DNAAF4: variants seen among roughly 807,000 people sequenced by gnomAD.
The protein encoded by DNAAF4 is dynein axonemal assembly factor 4, also known as dynein assembly factor 4, axonemal.
A neutral mutation model predicts 51.8 loss-of-function variants in DNAAF4; 43 were observed. The observed-to-expected ratio is 0.83, with a 90% CI of 0.65 to 1.07. DNAAF4 has a LOEUF of 1.07. Ranked by LOEUF, DNAAF4 falls within the 50% of genes least tolerant of loss-of-function variation. The probability of loss-of-function intolerance (pLI) is 0.00; values close to 1 mark genes in which losing one functional copy is unlikely to be tolerated. For missense variants in DNAAF4, 581 were observed against 493.0 expected (o/e 1.18, Z -1.69); for synonymous variants, 194 against 165.6 (o/e 1.17, Z -1.32).
chr15:55,450,102 C>T lies in DNAAF4; in HGVS notation c.783+120G>A, dbSNP rs560596527. ...AGGAAATTCTAAAACATATTCATGA[C>T]GTTATTTCTTTAGTGTAATAAATAC... is the stretch of plus-strand genomic sequence containing the variant. On this transcript the variant is annotated intron_variant, in intron 6 of 9. Transcript: ENST00000321149. 1.4e-3 allele frequency: 1,594 copies of T among 1,129,998 alleles called. 3 individuals carry two copies. The highest frequency in any genetic ancestry group is 1.7e-3 in the Non-Finnish European group (1,408 of 830,702). The allele number at this position is 1,129,998 out of a possible 1,614,324, so 70.0% of individuals were successfully genotyped here.
At chr15:55,423,611 T>C (rs1356344992) in intron 7 of DNAAF4, among the ~76,000 whole-genome samples, 1 of 152,150 alleles carries the variant, frequency 6.6e-6, no homozygotes, top group Non-Finnish European at 1.5e-5. Context: ...GATGTAAATA[T>C]AGCTGAAGAT....
chr15:55,432,610 A>T lies in DNAAF4; in HGVS notation c.1048-8T>A. ...CATCAATAATTCCAGTGCCTTACAA[A>T]ATATATATAATTATTACAAGAAAGT... On this transcript the variant is annotated splice_region_variant and splice_polypyrimidine_tract_variant and intron_variant, in intron 8 of 9. Coordinates refer to ENST00000321149, the MANE Select transcript of DNAAF4 (RefSeq NM_130810.4). The T allele has an allele frequency of 1.3e-6, 2 of 1,592,598 alleles. No homozygotes were observed. The highest frequency in any genetic ancestry group is 1.7e-6 in the Non-Finnish European group (2 of 1,166,384).
At chr15:55,489,593 T>C (rs2058541296) in intron 4 of DNAAF4, among the ~76,000 whole-genome samples, 2 of 149,322 alleles carry the variant, frequency 1.3e-5, no homozygotes, top group African/African-American at 4.9e-5. Context: ...GAGAATCTCT[T>C]GAACCCGAGT....
chr15:55,499,334 C>A (rs571461373), intron 1 of DNAAF4, among the ~76,000 whole-genome samples: 1 of 152,332 alleles, frequency 6.6e-6, no homozygotes, highest in African/African-American at 2.4e-5. Flanking sequence ...CCAATCAGGG[C>A]TCAGCTGTAT....
At chr15:55,444,697 T>C (rs1230054062) in intron 6 of DNAAF4, among the ~76,000 whole-genome samples, 1 of 152,250 alleles carries the variant, frequency 6.6e-6, no homozygotes, top group East Asian at 1.9e-4. Flanking sequence ...GTTCTTCCAT[T>C]TGTTTGTGTC....
At position 55,498,536 on chromosome 15, in the gene DNAAF4, G is replaced by T. The variant is rs867776515; in HGVS notation, c.-207C>A. Reference sequence around the variant, plus strand: ...ACCAGAGAGTGATGCCGATTCTTGGGGTTACCTTACGATCTGAGCGAATGT... The same window carrying T: ...ACCAGAGAGTGATGCCGATTCTTGGTGTTACCTTACGATCTGAGCGAATGT... On this transcript the variant is annotated 5_prime_UTR_variant, in exon 2 of 10. Transcript: ENST00000321149. 7.8e-6 allele frequency: 4 copies of T among 513,300 alleles called. No homozygotes were observed. The highest frequency in any genetic ancestry group is 6.7e-5 in the African/African-American group (3 of 44,838). The allele number at this position is 513,300 out of a possible 1,614,324, so 31.8% of individuals were successfully genotyped here.
intron 4 of DNAAF4, among the ~76,000 whole-genome samples, chr15:55,481,952 T>C (rs1346910742): frequency 6.6e-6 from 1 of 152,208 alleles, no homozygotes; most frequent in African/African-American, 2.4e-5. Context: ...GTGCAACCAA[T>C]GGGAAGCCTC....
intron 5 of DNAAF4, among the ~76,000 whole-genome samples, chr15:55,455,495 G>A (rs537121667): frequency 6.0e-5 from 9 of 151,254 alleles, no homozygotes; most frequent in South Asian, 2.1e-4. Flanking sequence ...GCAGTGGCGC[G>A]ATCTTGGCTC....
intron 6 of DNAAF4, among the ~76,000 whole-genome samples, chr15:55,445,609 C>T (rs369852617): frequency 1.3e-5 from 2 of 151,974 alleles, no homozygotes; most frequent in Non-Finnish European, 1.5e-5. Flanking sequence ...AGGCGCTCCT[C>T]GCCTCCCAGA....
chr15:55,479,238 C>T (rs2058376010), intron 4 of DNAAF4, among the ~76,000 whole-genome samples: 1 of 151,766 alleles, frequency 6.6e-6, no homozygotes, highest in African/African-American at 2.4e-5. Context: ...ACTCAGAGTA[C>T]TTCCCAAGTG....
At chr15:55,479,270 G>A (rs976802110) in intron 4 of DNAAF4, among the ~76,000 whole-genome samples, 2 of 151,862 alleles carry the variant, frequency 1.3e-5, no homozygotes, top group Admixed American at 6.6e-5. Flanking sequence ...CAGGGACCCC[G>A]AATGGAGGGA....
intron 4 of DNAAF4, among the ~76,000 whole-genome samples, chr15:55,476,890 G>T (rs1279654907): frequency 6.6e-6 from 1 of 152,136 alleles, no homozygotes; most frequent in Non-Finnish European, 1.5e-5. Flanking sequence ...GTTCTGGAGG[G>T]CCAGGCATGG....
chr15:55,431,033 C>T (rs1486445816), intron 9 of DNAAF4, among the ~76,000 whole-genome samples: 3 of 151,646 alleles, frequency 2.0e-5, no homozygotes, highest in African/African-American at 7.3e-5. Flanking sequence ...TCTGCCTCAG[C>T]CTCCTGAGTA....
In DNAAF4 at chr15:55,498,430, G is replaced by C. The variant is rs1253158461; in HGVS notation, c.-101C>G. 2.0e-6 allele frequency: 3 copies of C among 1,489,440 alleles called. No individual in the cohort carries two copies. Among genetic ancestry groups the C allele is most frequent in the Non-Finnish European group, 2.7e-6 (3 of 1,122,598 alleles). 92.3% of individuals were successfully genotyped at this position (1,489,440 alleles called of 1,614,324 possible). A position where few individuals can be genotyped will look rare whatever the true frequency, so the allele number is the denominator to read the frequency against. The stretch of plus-strand genomic sequence containing the variant: ...CCATGCGCCAGCCCTTCCGGGTCAG[G>C]CCGGCCGGGAGCCCGGCGTTCCCAG... On this transcript the variant is annotated 5_prime_UTR_variant, in exon 2 of 10. Coordinates refer to ENST00000321149, the MANE Select transcript of DNAAF4 (RefSeq NM_130810.4).
chr15:55,466,706 A>G (rs543560757), intron 5 of DNAAF4, among the ~76,000 whole-genome samples: 3 of 152,270 alleles, frequency 2.0e-5, no homozygotes, highest in South Asian at 2.1e-4. Flanking sequence ...CAAAGAAGAC[A>G]CTCTTCTTTT....
intron 3 of DNAAF4, among the ~76,000 whole-genome samples, chr15:55,492,649 C>T (rs1001215740): frequency 3.3e-5 from 5 of 151,942 alleles, no homozygotes; most frequent in Admixed American, 2.0e-4. Flanking sequence ...AAGCAATTCT[C>T]CTGCCTCAGC....
intron 8 of DNAAF4, among the ~76,000 whole-genome samples, chr15:55,433,928 T>TAAAA (rs2057553592): frequency 0.054 from 323 of 5,986 alleles, 9 homozygotes; most frequent in East Asian, 0.15. Context: ...ATATATTATA[T>TAAAA]TATATAAAAT....
chr15:55,461,656 C>T (rs1169964043), intron 5 of DNAAF4, among the ~76,000 whole-genome samples: 2 of 152,074 alleles, frequency 1.3e-5, no homozygotes, highest in African/African-American at 2.4e-5. Flanking sequence ...GAGGAAAGTT[C>T]ATAGCACTAA....
chr15:55,470,705 A>G (rs1377710562), intron 4 of DNAAF4, among the ~76,000 whole-genome samples: 1 of 103,468 alleles, frequency 9.7e-6, no homozygotes, highest in East Asian at 7.1e-4. Context: ...AAGCCTGACT[A>G]ATTTTTTATG....
Sources: allele counts gnomAD v4.1 joint callset (sites outside exome capture counted in the v4.1 genomes callset), GRCh38; gene constraint gnomAD v4.1.1; transcripts MANE v1.5; gene names NCBI Gene and HGNC (gene_info 2026-07-23, HGNC 2026-07-21).